RAB28: variants seen among roughly 807,000 people sequenced by gnomAD.
RAB28 encodes RAB28, member RAS oncogene family.
Under a neutral mutation model 31.7 loss-of-function variants are expected in RAB28, and 24 were observed. The ratio of observed to expected loss-of-function variants is 0.76; its 90% CI spans 0.55 to 1.06. The LOEUF (loss-of-function observed/expected upper bound fraction) is 1.06. Among genes scored for constraint, RAB28 ranks in the 50% least tolerant of loss-of-function variants. The pLI, the probability that RAB28 is intolerant of heterozygous loss-of-function variation, is 0.00. For missense variants in RAB28, 254 were observed against 258.5 expected (o/e 0.98, Z 0.12); for synonymous variants, 100 against 90.4 (o/e 1.11, Z -0.60).
chr4:13,423,689 T>C (rs1408831621), intron 4 of RAB28, among the ~76,000 whole-genome samples: 1 of 152,080 alleles, frequency 6.6e-6, no homozygotes, highest in Non-Finnish European at 1.5e-5. Context: ...GCCTAAAATA[T>C]CTGTTATCTG....
intron 4 of RAB28, among the ~76,000 whole-genome samples, chr4:13,395,139 T>C (rs1729816351): frequency 6.6e-6 from 1 of 152,232 alleles, no homozygotes; most frequent in African/African-American, 2.4e-5. Context: ...AAGTTTTATT[T>C]AGATTTTTAA....
At position 13,411,425 on chromosome 4, in the gene RAB28, T is replaced by C. The variant is rs1712435213; in HGVS notation, c.392-29831A>G. The stretch of plus-strand genomic sequence containing the variant: ...GGAAACCCAGTGATATGTGATATGA[T>C]ATGAAGCATATTGTAAAACTAATGT... On this transcript the variant is annotated intron_variant, in intron 4 of 6. Transcript: ENST00000330852. 3.3e-5 allele frequency among the ~76,000 whole-genome samples: 5 copies of C among 152,248 alleles called. No individual in the cohort carries two copies. The South Asian group carries it at 1.0e-3, about 32-fold the overall frequency.
At chr4:13,444,018 C>CTTTTTTTTTTTTTTTTTTT (rs541621588) in intron 4 of RAB28, among the ~76,000 whole-genome samples, 1 of 140,868 alleles carries the variant, frequency 7.1e-6, no homozygotes, top group Non-Finnish European at 1.6e-5. Context: ...ACAGGATTTC[C>CTTTTTTTTTTTTTTTTTTT]TTTTTTTTTT....
At chr4:13,466,946 A>T (rs1405941238) in intron 3 of RAB28, among the ~76,000 whole-genome samples, 1 of 152,030 alleles carries the variant, frequency 6.6e-6, no homozygotes, top group African/African-American at 2.4e-5. Flanking sequence ...CAAATGTTGC[A>T]TGTTCTCACT....
At chr4:13,379,284 A>C (rs566027974) in intron 5 of RAB28, among the ~76,000 whole-genome samples, 1 of 150,548 alleles carries the variant, frequency 6.6e-6, no homozygotes, top group Non-Finnish European at 1.5e-5. Flanking sequence ...ATAATTACTG[A>C]GCAGCATTAA....
intron 4 of RAB28, among the ~76,000 whole-genome samples, chr4:13,428,785 A>ACATC (rs1713649373): frequency 6.6e-6 from 1 of 152,158 alleles, no homozygotes; most frequent in Non-Finnish European, 1.5e-5. Flanking sequence ...ATTAATCCAC[A>ACATC]CATCCAGGAA....
At chr4:13,372,446 T>C (rs1269290418) in intron 6 of RAB28, among the ~76,000 whole-genome samples, 1 of 152,084 alleles carries the variant, frequency 6.6e-6, no homozygotes, top group Non-Finnish European at 1.5e-5. Flanking sequence ...AATTTCCTAA[T>C]CTATAAAAAC....
chr4:13,389,685 C>T (rs976490353), intron 4 of RAB28, among the ~76,000 whole-genome samples: 10 of 151,884 alleles, frequency 6.6e-5, no homozygotes, highest in Non-Finnish European at 1.3e-4. Context: ...TATATCACTA[C>T]ATGCATAGAT....
At chr4:13,370,110 C>T (rs1577143902) in intron 6 of RAB28, 2 of 1,397,124 alleles carry the variant, frequency 1.4e-6, no homozygotes, top group African/African-American at 2.9e-5. Flanking sequence ...AAACATGTCT[C>T]ACACACACAC....
In RAB28 at chr4:13,422,046, A is replaced by C. The variant is rs1327379326; in HGVS notation, c.391+38653T>G. Among the ~76,000 whole-genome samples, 3 of 152,044 alleles carry C rather than the reference A, an allele frequency of 2.0e-5. No homozygotes were observed. The East Asian group carries it at 5.8e-4, about 29-fold the overall frequency. On this transcript the variant is annotated intron_variant, in intron 4 of 6. Coordinates refer to ENST00000330852, the MANE Select transcript of RAB28 (RefSeq NM_001017979.3). ...CTAGAATCTACAAAGAACTTAAACAAACTTACAAGAAAAAAAAAAACAACC... is the reference window on the plus strand; with the variant it reads ...CTAGAATCTACAAAGAACTTAAACACACTTACAAGAAAAAAAAAAACAACC...
chr4:13,384,164 G>A (rs1729259526), intron 4 of RAB28, among the ~76,000 whole-genome samples: 1 of 152,148 alleles, frequency 6.6e-6, no homozygotes, highest in Non-Finnish European at 1.5e-5. Context: ...CCCCTACCCT[G>A]AGCAGCCACC....
intron 6 of RAB28, among the ~76,000 whole-genome samples, chr4:13,373,729 G>C (rs1728807759): frequency 6.6e-6 from 1 of 152,116 alleles, no homozygotes; most frequent in Non-Finnish European, 1.5e-5. Context: ...AATTGTCAGT[G>C]AATGAAACTA....
At chr4:13,370,053 A>G (rs879656155) in intron 6 of RAB28, 2 of 1,512,620 alleles carry the variant, frequency 1.3e-6, no homozygotes, top group South Asian at 2.6e-5. Flanking sequence ...ATGACTGAAT[A>G]TAGAAGGAAA....
intron 4 of RAB28, among the ~76,000 whole-genome samples, chr4:13,457,804 C>T (rs951481145): frequency 2.0e-5 from 3 of 152,136 alleles, no homozygotes; most frequent in Non-Finnish European, 2.9e-5. Context: ...GGATGCCTCA[C>T]AGGATAGCAT....
intron 4 of RAB28, among the ~76,000 whole-genome samples, chr4:13,385,312 A>C (rs1446566695): frequency 6.6e-6 from 1 of 152,230 alleles, no homozygotes; most frequent in Non-Finnish European, 1.5e-5. Context: ...TCCCCAACCT[A>C]GCTAGAGAGG....
chr4:13,482,615 C>T (rs148420073), intron 1 of RAB28, among the ~76,000 whole-genome samples: 2,248 of 152,158 alleles, frequency 0.015, 68 homozygotes, highest in African/African-American at 0.051. Flanking sequence ...TTATTTATAG[C>T]AATTCATTCA....
chr4:13,481,487 C>T (rs1373400680), intron 1 of RAB28, among the ~76,000 whole-genome samples: 1 of 151,846 alleles, frequency 6.6e-6, no homozygotes, highest in Admixed American at 6.6e-5. Context: ...CAACTAGCTC[C>T]CATATCAGAA....
chr4:13,371,346 CCTAA>C, intron 6 of RAB28: 1 of 985,264 alleles, frequency 1.0e-6, no homozygotes, highest in African/African-American at 1.7e-5. Context: ...CCTCCCCAAA[CCTAA>C]CTGTTTCATG....
intron 4 of RAB28, among the ~76,000 whole-genome samples, chr4:13,390,828 G>A (rs563042777): frequency 6.6e-6 from 1 of 152,266 alleles, no homozygotes; most frequent in South Asian, 2.1e-4. Context: ...TTAATAAATG[G>A]TGCTGGGAAA....
Sources: allele counts gnomAD v4.1 joint callset (sites outside exome capture counted in the v4.1 genomes callset), GRCh38; gene constraint gnomAD v4.1.1; transcripts MANE v1.5; gene names NCBI Gene and HGNC (gene_info 2026-07-23, HGNC 2026-07-21).